The following MYO3A variants were observed in gnomAD, a reference collection of about 807,000 sequenced individuals.
MYO3A encodes the protein myosin IIIA, also known as myosin-IIIa.
In MYO3A, 180 loss-of-function variants were observed where a neutral mutation model predicts 192.7. That is an observed-to-expected ratio of 0.93 (90% CI 0.83 to 1.06). The LOEUF is 1.06. Ranked by LOEUF, MYO3A falls within the 50% of genes least tolerant of loss-of-function variation. The pLI, the probability that MYO3A is intolerant of heterozygous loss-of-function variation, is 0.00. For synonymous variants in MYO3A, 628 were observed against 645.3 expected, an observed-to-expected ratio of 0.97 and a Z score of 0.41; for missense variants, 1,896 against 1,905.0, an observed-to-expected ratio of 1.00 and a Z score of 0.09.
chr10:26,099,512 G>C (rs1837292947), intron 17 of MYO3A, among the ~76,000 whole-genome samples: 1 of 152,138 alleles, frequency 6.6e-6, no homozygotes, highest in African/African-American at 2.4e-5. Context: ...AATGCTTCCA[G>C]TTTCTGCCAA....
chr10:26,104,413 A>G (rs1366998024), intron 17 of MYO3A, among the ~76,000 whole-genome samples: 1 of 152,146 alleles, frequency 6.6e-6, no homozygotes, highest in Non-Finnish European at 1.5e-5. Flanking sequence ...GCTTCTGGAC[A>G]TTCAGTGTAC....
intron 2 of MYO3A, among the ~76,000 whole-genome samples, chr10:25,946,220 G>A (rs1588636072): frequency 6.6e-6 from 1 of 152,204 alleles, no homozygotes; most frequent in South Asian, 2.1e-4. Context: ...ATATTGTCTA[G>A]CATCCATTCA....
At chr10:26,080,016 T>C (rs1425031391) in intron 14 of MYO3A, among the ~76,000 whole-genome samples, 1 of 152,184 alleles carries the variant, frequency 6.6e-6, no homozygotes, top group Non-Finnish European at 1.5e-5. Flanking sequence ...GAAGACCTTA[T>C]TGTGATGAAT....
At chr10:26,015,186 A>G (rs533260501) in intron 6 of MYO3A, among the ~76,000 whole-genome samples, 95 of 152,238 alleles carry the variant, frequency 6.2e-4, no homozygotes, top group African/African-American at 2.2e-3. Flanking sequence ...TGCTCTTTCT[A>G]TTAGCCTGTT....
intron 25 of MYO3A, among the ~76,000 whole-genome samples, chr10:26,156,558 A>G (rs1390975346): frequency 6.6e-6 from 1 of 152,254 alleles, no homozygotes; most frequent in Non-Finnish European, 1.5e-5. Context: ...AAAATGATCA[A>G]ATTAGAACTG....
At chr10:26,045,840 G>A (rs192418708) in intron 10 of MYO3A, among the ~76,000 whole-genome samples, 68 of 152,142 alleles carry the variant, frequency 4.5e-4, no homozygotes, top group African/African-American at 1.2e-3. Context: ...ATCCAATCTC[G>A]TTTCTACAAG....
chr10:26,087,260 T>C (rs890855272), intron 14 of MYO3A, among the ~76,000 whole-genome samples: 2 of 152,170 alleles, frequency 1.3e-5, no homozygotes, highest in Admixed American at 1.3e-4. Context: ...CTTCCACACC[T>C]TATTGCCTCT....
chr10:26,099,001 G>A (rs1837249808), intron 17 of MYO3A, among the ~76,000 whole-genome samples: 1 of 152,180 alleles, frequency 6.6e-6, no homozygotes, highest in Admixed American at 6.5e-5. Context: ...ATTACCTTGA[G>A]CAATATGGCC....
At chr10:26,043,149 G>GTCTCTCTCTCTCTCTCTCTCTCTC (rs59621862) in intron 10 of MYO3A, among the ~76,000 whole-genome samples, 1 of 143,274 alleles carries the variant, frequency 7.0e-6, no homozygotes, top group African/African-American at 2.6e-5. Flanking sequence ...GCCAAACAGA[G>GTCTCTCTCTCTCTCTCTCTCTCTC]TCTCTCTCTC....
intron 34 of MYO3A, among the ~76,000 whole-genome samples, chr10:26,208,161 G>C (rs1156533425): frequency 6.6e-6 from 1 of 152,134 alleles, no homozygotes; most frequent in Non-Finnish European, 1.5e-5. Flanking sequence ...ACAACAAGAG[G>C]CTGACATCTG....
At chr10:26,045,632 G>A (rs2131252794) in intron 10 of MYO3A, among the ~76,000 whole-genome samples, 1 of 152,178 alleles carries the variant, frequency 6.6e-6, no homozygotes, top group East Asian at 1.9e-4. Context: ...GGTGCTTTAG[G>A]TCTCAGAAGC....
In MYO3A at chr10:26,154,664, T is replaced by G. The variant is rs73594309; in HGVS notation, c.2716-82T>G. 404 of 1,287,858 alleles carry G rather than the reference T, an allele frequency of 3.1e-4. 1 individual carries two copies. The African/African-American group carries it at 5.2e-3, about 16-fold the overall frequency. 79.8% of individuals were successfully genotyped at this position (1,287,858 alleles called of 1,614,324 possible). A position where few individuals can be genotyped will look rare whatever the true frequency, so the allele number is the denominator to read the frequency against. ...TTTGAATGCATAAACTAAGATAGCC[T>G]GAAGGAAAATGCCACATGCTGTCTG... On this transcript the variant is annotated intron_variant, in intron 24 of 34. Transcript: ENST00000642920.
chr10:26,015,020 T>C (rs1174320072), intron 6 of MYO3A, among the ~76,000 whole-genome samples: 1 of 152,154 alleles, frequency 6.6e-6, no homozygotes, highest in Non-Finnish European at 1.5e-5. Context: ...CGATAGGGAA[T>C]GGAGTTGCTG....
At chr10:25,987,254 G>A (rs1839710518) in intron 4 of MYO3A, among the ~76,000 whole-genome samples, 1 of 152,060 alleles carries the variant, frequency 6.6e-6, no homozygotes, top group Non-Finnish European at 1.5e-5. Flanking sequence ...AATCCATAAA[G>A]ATTCTAGAAA....
rs138569308 is a variant in MYO3A, at chr10:26,088,122, G to A, written c.1360-81G>A. 558 of 1,111,684 alleles carry A rather than the reference G, an allele frequency of 5.0e-4. 4 individuals carry two copies. In the East Asian group the frequency reaches 0.011, roughly 22 times the overall value. 68.9% of individuals were successfully genotyped at this position (1,111,684 alleles called of 1,614,324 possible). ...TTGTATGTTTATATCTACATAAATT[G>A]CTTACCAAAGAAGAGACATTTCATT... On this transcript the variant is annotated intron_variant, in intron 14 of 34. Coordinates refer to ENST00000642920, the MANE Select transcript of MYO3A (RefSeq NM_017433.5).
chr10:25,991,907 GT>G (rs1176481445), intron 4 of MYO3A, among the ~76,000 whole-genome samples: 1 of 152,168 alleles, frequency 6.6e-6, no homozygotes, highest in Non-Finnish European at 1.5e-5. Flanking sequence ...TGCTGTTTTG[GT>G]TGCTGTACCC....
At chr10:26,096,737 A>C in intron 17 of MYO3A, 55 bp downstream of exon 17, 1 of 1,212,076 alleles carries the variant, frequency 8.3e-7, no homozygotes, top group Non-Finnish European at 1.2e-6. Context: ...ATCATCACTA[A>C]TGTTAAGAGC....
intron 15 of MYO3A, among the ~76,000 whole-genome samples, chr10:26,089,117 C>G (rs1286694443): frequency 2.0e-5 from 3 of 152,138 alleles, no homozygotes; most frequent in Non-Finnish European, 4.4e-5. Context: ...TAAACATACT[C>G]TACATTATTG....
In MYO3A at chr10:26,212,437, T is replaced by G. The variant is rs1389583032; in HGVS notation, c.*474T>G. The G allele has an allele frequency of 8.3e-6, 2 of 241,598 alleles. No individual in the cohort carries two copies. The highest frequency in any genetic ancestry group is 4.5e-5 in the African/African-American group (2 of 44,608). 15.0% of individuals were successfully genotyped at this position (241,598 alleles called of 1,614,324 possible). A position where few individuals can be genotyped will look rare whatever the true frequency, so the allele number is the denominator to read the frequency against. On this transcript the variant is annotated 3_prime_UTR_variant, in exon 35 of 35. Coordinates refer to ENST00000642920, the MANE Select transcript of MYO3A (RefSeq NM_017433.5). ...CTTAGAGAAAAAAGCCCGGGAGGGG[T>G]GGGGAGAATTTCGAAGATGTATTTC...
Sources: gnomAD v4.1 joint callset for allele counts (sites outside exome capture counted in the v4.1 genomes callset) on GRCh38, gnomAD v4.1.1 for gene constraint, MANE v1.5 for transcripts, NCBI Gene and HGNC (gene_info 2026-07-23, HGNC 2026-07-21) for gene names.